Variants in MYT1L observed in about 807,000 individuals in gnomAD.
MYT1L encodes the protein myelin transcription factor 1 like.
A neutral mutation model predicts 126.7 loss-of-function variants in MYT1L; 12 were observed. The observed-to-expected ratio is 0.09, with a 90% CI of 0.06 to 0.15. The LOEUF (loss-of-function observed/expected upper bound fraction) is 0.15. MYT1L is among the 10% of genes least tolerant of loss of function. The pLI is 1.00. For synonymous variants in MYT1L, 541 were observed against 604.2 expected (o/e 0.90, Z 1.53); for missense variants, 979 against 1,585.2 (o/e 0.62, Z 6.49).
At chr2:1,837,879 T>TTC (rs759148940) in intron 21 of MYT1L, among the ~76,000 whole-genome samples, 14 of 145,948 alleles carry the variant, frequency 9.6e-5, no homozygotes, top group East Asian at 8.2e-4. Context: ...GACATTCAAT[T>TTC]TCTCTCTCTC....
intron 3 of MYT1L, among the ~76,000 whole-genome samples, chr2:2,083,990 C>T (rs1049426810): frequency 6.6e-6 from 1 of 151,258 alleles, no homozygotes. Flanking sequence ...CATCAGTAAG[C>T]CCATGTGCTG....
chr2:2,088,901 TAC>T (rs1347126483), intron 3 of MYT1L, among the ~76,000 whole-genome samples: 5 of 152,222 alleles, frequency 3.3e-5, no homozygotes, highest in African/African-American at 1.2e-4. Flanking sequence ...ATCCTACAAA[TAC>T]AGACTGAATC....
At chr2:2,318,706 C>A (rs1161840957) in intron 1 of MYT1L, among the ~76,000 whole-genome samples, 1 of 152,130 alleles carries the variant, frequency 6.6e-6, no homozygotes, top group Non-Finnish European at 1.5e-5. Context: ...CCACATTAAA[C>A]AAAGGACGAG....
At chr2:2,000,089 G>T (rs2062217155) in intron 4 of MYT1L, among the ~76,000 whole-genome samples, 1 of 152,182 alleles carries the variant, frequency 6.6e-6, no homozygotes, top group South Asian at 2.1e-4. Context: ...TCAGAAGGTG[G>T]CTGTGCATGA....
At chr2:1,851,097 T>A (rs1165088585) in intron 19 of MYT1L, among the ~76,000 whole-genome samples, 1 of 152,196 alleles carries the variant, frequency 6.6e-6, no homozygotes, top group African/African-American at 2.4e-5. Context: ...TCAAGTGGTA[T>A]AGAATTTTTG....
intron 3 of MYT1L, among the ~76,000 whole-genome samples, chr2:2,113,209 C>A (rs1009901827): frequency 9.2e-5 from 14 of 152,162 alleles, no homozygotes; most frequent in African/African-American, 3.1e-4. Flanking sequence ...TTTGATAGAA[C>A]AGAATTGGAG....
In MYT1L at chr2:1,910,189, G is replaced by A. The variant is rs2051733637; in HGVS notation, c.1817+51C>T. On this transcript the variant is annotated intron_variant, in intron 13 of 24. Transcript: ENST00000647738. This position sits in a 1 kb window ranked among gnomAD's most constrained non-coding sequence, Gnocchi z 4.8. ...GCGGGTGTCCCCAGCGCTCCGAGGT[G>A]TGGGGCAGACTATGGATAGAGCTCA... The A allele has an allele frequency of 2.6e-6, 4 of 1,530,688 alleles. No homozygotes were observed. Among genetic ancestry groups the A allele is most frequent in the Non-Finnish European group, 3.6e-6 (4 of 1,110,418 alleles). 94.8% of individuals were successfully genotyped at this position (1,530,688 alleles called of 1,614,324 possible). A position where few individuals can be genotyped will look rare whatever the true frequency, so the allele number is the denominator to read the frequency against.
intron 4 of MYT1L, among the ~76,000 whole-genome samples, chr2:2,005,333 T>C: frequency 7.0e-6 from 1 of 142,136 alleles, no homozygotes; most frequent in Non-Finnish European, 1.5e-5. Context: ...CGTGCGTTCT[T>C]TCCTGTGTGC....
chr2:2,037,523 A>G (rs1474716022), intron 4 of MYT1L, among the ~76,000 whole-genome samples: 2 of 151,980 alleles, frequency 1.3e-5, no homozygotes, highest in East Asian at 3.9e-4. Context: ...TGGGAAGCCA[A>G]GGTGGCCAGA....
At chr2:2,084,701 C>T (rs1246985852) in intron 3 of MYT1L, among the ~76,000 whole-genome samples, 1 of 152,184 alleles carries the variant, frequency 6.6e-6, no homozygotes, top group Non-Finnish European at 1.5e-5. Flanking sequence ...GGATCCAGCC[C>T]AGCCAGGCCT....
intron 2 of MYT1L, 56 bp downstream of exon 2, chr2:2,284,348 A>G (rs2095487893): frequency 6.6e-6 from 1 of 152,096 alleles, no homozygotes; most frequent in South Asian, 2.1e-4. Context: ...GCTTGTTTTC[A>G]GGTACCTCCT....
At chr2:1,886,702 G>A in intron 17 of MYT1L, 95 bp from the exon 18 acceptor site, 2 of 779,262 alleles carry the variant, frequency 2.6e-6, no homozygotes. Flanking sequence ...AGAGTTTAAT[G>A]CAGAAAAGCA....
chr2:1,913,592 C>T (rs1419460435), intron 11 of MYT1L, among the ~76,000 whole-genome samples: 1 of 152,208 alleles, frequency 6.6e-6, no homozygotes, highest in Non-Finnish European at 1.5e-5. Context: ...TTGTCCACCA[C>T]CGTGTGACAA....
At chr2:2,181,472 CTCTT>C (rs2091516831) in intron 2 of MYT1L, among the ~76,000 whole-genome samples, 2 of 152,230 alleles carry the variant, frequency 1.3e-5, no homozygotes, top group South Asian at 4.1e-4. Context: ...GTAAGCCCCG[CTCTT>C]AAAATATATA....
chr2:1,830,329 C>T (rs2039966137), intron 21 of MYT1L, among the ~76,000 whole-genome samples: 1 of 152,182 alleles, frequency 6.6e-6, no homozygotes, highest in African/African-American at 2.4e-5. Flanking sequence ...ATTACAGAGC[C>T]CATTTCTTCA....
At chr2:2,261,063 A>G (rs1294343062) in intron 2 of MYT1L, among the ~76,000 whole-genome samples, 3 of 152,022 alleles carry the variant, frequency 2.0e-5, no homozygotes, top group Non-Finnish European at 4.4e-5. Flanking sequence ...GTTAGGCAAC[A>G]TTTGCCTCAG....
At chr2:2,212,464 T>C (rs531536770) in intron 2 of MYT1L, among the ~76,000 whole-genome samples, 1 of 152,348 alleles carries the variant, frequency 6.6e-6, no homozygotes, top group African/African-American at 2.4e-5. Flanking sequence ...TGTAACACAA[T>C]ATTCATAATT....
chr2:2,253,889 CTG>C lies in MYT1L; in HGVS notation c.-421+30513_-421+30514del, dbSNP rs573203377. Among the ~76,000 whole-genome samples, 37 of 152,304 alleles carry C rather than the reference CTG, an allele frequency of 2.4e-4. No homozygotes were observed. In the East Asian group the frequency reaches 2.5e-3, roughly 10 times the overall value. On this transcript the variant is annotated intron_variant, in intron 2 of 24. Coordinates refer to ENST00000647738, the MANE Select transcript of MYT1L (RefSeq NM_001303052.2). ...CTCCTAAGGTCTGCCTTCAGCGAGACTGTGAATTAACTTTCATCCTAAGCTTA... is the reference window on the plus strand; with the variant it reads ...CTCCTAAGGTCTGCCTTCAGCGAGACTGAATTAACTTTCATCCTAAGCTTA...
intron 3 of MYT1L, among the ~76,000 whole-genome samples, chr2:2,143,463 G>A (rs1406505739): frequency 2.6e-5 from 4 of 152,082 alleles, no homozygotes; most frequent in African/African-American, 9.7e-5. Context: ...AATTCTATTG[G>A]TCAGGGATTC....
Sources: gnomAD v4.1 joint callset for allele counts (sites outside exome capture counted in the v4.1 genomes callset) on GRCh38, gnomAD v4.1.1 for gene constraint, Gnocchi (gnomAD v3.1) non-coding constraint, MANE v1.5 for transcripts, NCBI Gene and HGNC (gene_info 2026-07-23, HGNC 2026-07-21) for gene names.